STX8: variants seen among roughly 807,000 people sequenced by gnomAD.
The protein encoded by STX8 is syntaxin-8.
STX8 carries 23 observed loss-of-function variants against 37.5 expected under a neutral mutation model. The ratio of observed to expected loss-of-function variants is 0.61; its 90% CI spans 0.44 to 0.87. The LOEUF (loss-of-function observed/expected upper bound fraction) is 0.87, where lower values mean the gene tolerates loss of function less well. Ranked by LOEUF, STX8 falls within the 40% of genes least tolerant of loss-of-function variation. The pLI is 0.00. For synonymous variants in STX8, 115 were observed against 99.1 expected (o/e 1.16, Z -0.95); for missense variants, 313 against 284.7 (o/e 1.10, Z -0.71).
At chr17:9,519,585 T>C (rs1380603421) in intron 4 of STX8, among the ~76,000 whole-genome samples, 2 of 152,142 alleles carry the variant, frequency 1.3e-5, no homozygotes, top group African/African-American at 2.4e-5. Flanking sequence ...GCAAGAATTA[T>C]TGTTCTTAAA....
intron 7 of STX8, among the ~76,000 whole-genome samples, chr17:9,344,385 C>G (rs1030698962): frequency 3.3e-5 from 5 of 151,988 alleles, no homozygotes; most frequent in Non-Finnish European, 7.4e-5. Flanking sequence ...CTCAGCCTCC[C>G]GAGTAGTTGG....
At chr17:9,459,620 A>G (rs1433782418) in intron 6 of STX8, among the ~76,000 whole-genome samples, 2 of 152,138 alleles carry the variant, frequency 1.3e-5, no homozygotes, top group East Asian at 3.9e-4. Context: ...GGTTCACTCC[A>G]TTCTCCTGCT....
At chr17:9,445,349 A>G (rs78772683) in intron 6 of STX8, among the ~76,000 whole-genome samples, 2,485 of 151,876 alleles carry the variant, frequency 0.016, 68 homozygotes, top group African/African-American at 0.056. Context: ...ATTTCATGTC[A>G]CTGCTAAAGA....
In STX8 at chr17:9,515,419, T is replaced by C. The variant is rs8070739; in HGVS notation, c.324-10257A>G. Among the ~76,000 whole-genome samples the C allele has an allele frequency of 3.9e-3, 587 of 152,306 alleles. 5 individuals are homozygous for C. The highest frequency in any genetic ancestry group is 0.013 in the African/African-American group (539 of 41,566). Reference sequence around the variant, plus strand: ...AGCACAGAGTTGGTCTCAAGTATACTAATTAGCATGCCAAACAGAAGTATG... The same window carrying C: ...AGCACAGAGTTGGTCTCAAGTATACCAATTAGCATGCCAAACAGAAGTATG... On this transcript the variant is annotated intron_variant, in intron 4 of 7. Coordinates refer to ENST00000306357, the MANE Select transcript of STX8 (RefSeq NM_004853.3).
At chr17:9,544,680 G>A (rs1906424342) in intron 4 of STX8, among the ~76,000 whole-genome samples, 2 of 152,084 alleles carry the variant, frequency 1.3e-5, no homozygotes, top group African/African-American at 4.8e-5. Context: ...AACATACCTG[G>A]TTTACTAAAC....
Position 9,531,521 on chromosome 17 carries a change from T to C in STX8, c.323+13651A>G, listed in dbSNP as rs1001142696. Among the ~76,000 whole-genome samples, 3 of 152,146 alleles carry C rather than the reference T, an allele frequency of 2.0e-5. No individual in the cohort carries two copies. In the East Asian group the frequency reaches 5.8e-4, roughly 29 times the overall value. On this transcript the variant is annotated intron_variant, in intron 4 of 7. Transcript: ENST00000306357. ...AGTTACCCACACTCCGAAAATATTA[T>C]AGACAATAAGATATTTTGAGAGAGA...
At chr17:9,263,321 T>C (rs755209595) in intron 7 of STX8, among the ~76,000 whole-genome samples, 26 of 151,848 alleles carry the variant, frequency 1.7e-4, no homozygotes, top group Non-Finnish European at 3.4e-4. Context: ...CTACTAAAAA[T>C]ACAAAAAAAT....
intron 4 of STX8, among the ~76,000 whole-genome samples, chr17:9,522,530 T>C (rs1567596166): frequency 1.4e-5 from 1 of 72,804 alleles, no homozygotes; most frequent in Admixed American, 1.7e-4. Flanking sequence ...ACTCCGTCTC[T>C]ACTAAAAATC....
At position 9,271,119 on chromosome 17, in the gene STX8, A is replaced by T. The variant is rs57661113; in HGVS notation, c.644-20474T>A. On this transcript the variant is annotated intron_variant, in intron 7 of 7. Coordinates refer to ENST00000306357, the MANE Select transcript of STX8 (RefSeq NM_004853.3). ...TTACAGCATGGCAACTCACAGTGTG[A>T]CGTGGGACCAGGAGCACAGATCACT... 5.5e-3 allele frequency among the ~76,000 whole-genome samples: 840 copies of T among 152,356 alleles called. 9 individuals are homozygous for T. Among genetic ancestry groups the T allele is most frequent in the African/African-American group, 0.018 (745 of 41,588 alleles).
chr17:9,274,448 G>A (rs1014963085), intron 7 of STX8, among the ~76,000 whole-genome samples: 5 of 151,810 alleles, frequency 3.3e-5, no homozygotes, highest in Non-Finnish European at 5.9e-5. Context: ...AGGCTGAGGC[G>A]GGCGGATCAC....
chr17:9,458,294 C>A (rs560929967), intron 6 of STX8, among the ~76,000 whole-genome samples: 85 of 152,304 alleles, frequency 5.6e-4, no homozygotes, highest in African/African-American at 2.0e-3. Context: ...GGACTACAGG[C>A]GACCACTGCC....
chr17:9,454,378 A>C (rs952764069), intron 6 of STX8, among the ~76,000 whole-genome samples: 1 of 152,146 alleles, frequency 6.6e-6, no homozygotes, highest in African/African-American at 2.4e-5. Flanking sequence ...GGCATAATTT[A>C]AAACTTATGG....
At chr17:9,527,815 T>C (rs936991778) in intron 4 of STX8, among the ~76,000 whole-genome samples, 6 of 152,196 alleles carry the variant, frequency 3.9e-5, no homozygotes, top group African/African-American at 1.2e-4. Flanking sequence ...GAAAAAGACA[T>C]GGTGGTACCT....
At chr17:9,417,087 C>T (rs1228094038) in intron 6 of STX8, among the ~76,000 whole-genome samples, 3 of 152,156 alleles carry the variant, frequency 2.0e-5, no homozygotes, top group African/African-American at 7.2e-5. Flanking sequence ...CAGCAGCACC[C>T]ATTACTTAGG....
intron 6 of STX8, among the ~76,000 whole-genome samples, chr17:9,487,174 G>A (rs1441895997): frequency 6.6e-6 from 1 of 152,120 alleles, no homozygotes; most frequent in Non-Finnish European, 1.5e-5. Flanking sequence ...CAAAACTGAA[G>A]ATAATTCGAC....
At chr17:9,326,129 CTTTTTTTT>C (rs58852537) in intron 7 of STX8, among the ~76,000 whole-genome samples, 1 of 145,462 alleles carries the variant, frequency 6.9e-6, no homozygotes, top group African/African-American at 2.5e-5. Context: ...TCCCTGTTTC[CTTTTTTTT>C]TTTTTCTTTT....
rs557166070 is a variant in STX8, at chr17:9,379,137, C to G, written c.542-484G>C. Among the ~76,000 whole-genome samples the G allele has an allele frequency of 8.6e-5, 13 of 150,314 alleles. No individual in the cohort carries two copies. The East Asian group carries it at 2.2e-3, about 25-fold the overall frequency. The stretch of plus-strand genomic sequence containing the variant: ...GTGTGCACCTGTAATCCCAGCTACT[C>G]GGGAGGCTGAGGTAGGAGAATCGCT... On this transcript the variant is annotated intron_variant, in intron 6 of 7. Coordinates refer to ENST00000306357, the MANE Select transcript of STX8 (RefSeq NM_004853.3).
intron 5 of STX8, among the ~76,000 whole-genome samples, chr17:9,494,092 T>G (rs1415005194): frequency 1.3e-5 from 2 of 151,590 alleles, no homozygotes; most frequent in Non-Finnish European, 2.9e-5. Context: ...CTCGGCTCAC[T>G]GCAAGCTCCA....
intron 6 of STX8, among the ~76,000 whole-genome samples, chr17:9,442,506 C>A (rs6503204): frequency 0.99 from 150,858 of 152,312 alleles, 74,724 homozygotes; most frequent in East Asian, 1. Flanking sequence ...TCCTGGGTTC[C>A]AGTGATTCTC....
Sources: gnomAD v4.1 joint callset for allele counts (sites outside exome capture counted in the v4.1 genomes callset) on GRCh38, gnomAD v4.1.1 for gene constraint, MANE v1.5 for transcripts, NCBI Gene and HGNC (gene_info 2026-07-23, HGNC 2026-07-21) for gene names.